The following CUL3 variants were observed in gnomAD, a reference collection of about 807,000 sequenced individuals.
The protein encoded by CUL3 is cullin 3.
Under a neutral mutation model 89.1 loss-of-function variants are expected in CUL3, and 19 were observed. The ratio of observed to expected loss-of-function variants is 0.21; its 90% CI spans 0.15 to 0.31. The LOEUF is 0.31. CUL3 is among the 10% of genes least tolerant of loss of function. The pLI is 1.00. For synonymous variants in CUL3, 351 were observed against 308.4 expected (o/e 1.14, Z -1.45); for missense variants, 469 against 942.3 (o/e 0.50, Z 6.58).
intron 2 of CUL3, among the ~76,000 whole-genome samples, chr2:224,553,640 C>G (rs1225486359): frequency 6.6e-6 from 1 of 152,108 alleles, no homozygotes; most frequent in African/African-American, 2.4e-5. Context: ...GCAATTAAAT[C>G]TTGAGAATGG....
At chr2:224,530,839 G>A (rs899230625) in intron 3 of CUL3, among the ~76,000 whole-genome samples, 5 of 152,012 alleles carry the variant, frequency 3.3e-5, no homozygotes, top group Non-Finnish European at 5.9e-5. Context: ...CCCAGGAGGC[G>A]GAGGCTGCAG....
chr2:224,514,823 T>C (rs1283711491), intron 3 of CUL3, 51 bp from the exon 4 acceptor site: 1 of 1,287,294 alleles, frequency 7.8e-7, no homozygotes, highest in African/African-American at 1.5e-5. Flanking sequence ...AGCATAATAA[T>C]TATTGTGTGC....
At chr2:224,506,763 A>G (rs1692617616) in intron 7 of CUL3, 95 bp downstream of exon 7, 1 of 1,028,228 alleles carries the variant, frequency 9.7e-7, no homozygotes, top group South Asian at 2.0e-5. Flanking sequence ...AATTAAGTTG[A>G]AAGTACACAA....
In CUL3 at chr2:224,472,507, A is replaced by G. The variant is rs193116009; in HGVS notation, c.*1738T>C. On this transcript the variant is annotated 3_prime_UTR_variant, in exon 16 of 16. Coordinates refer to ENST00000264414, the MANE Select transcript of CUL3 (RefSeq NM_003590.5). ...AATTTCCAATTATGTCAAAATCAGA[A>G]GGTGAAACCCTTAGCTTTCCATGTT... The G allele has an allele frequency of 1.6e-4, 31 of 189,244 alleles. No homozygotes were observed. In the Admixed American group the frequency reaches 1.7e-3, roughly 11 times the overall value. The allele number at this position is 189,244 out of a possible 1,614,324, so 11.7% of individuals were successfully genotyped here. A position where few individuals can be genotyped will look rare whatever the true frequency, so the allele number is the denominator to read the frequency against.
chr2:224,562,367 G>C (rs1694929473), intron 1 of CUL3, among the ~76,000 whole-genome samples: 1 of 152,090 alleles, frequency 6.6e-6, no homozygotes, highest in South Asian at 2.1e-4. Context: ...GCCAGGCACA[G>C]TGGCTCCCGC....
At chr2:224,517,949 A>C (rs989792982) in intron 3 of CUL3, among the ~76,000 whole-genome samples, 1 of 152,164 alleles carries the variant, frequency 6.6e-6, no homozygotes, top group African/African-American at 2.4e-5. Flanking sequence ...GATTTTATCA[A>C]TTTACACAAT....
intron 3 of CUL3, among the ~76,000 whole-genome samples, chr2:224,524,929 A>T (rs1158359992): frequency 6.6e-6 from 1 of 152,218 alleles, no homozygotes; most frequent in East Asian, 1.9e-4. Flanking sequence ...TAATGCATAT[A>T]ATCTCTAAGG....
Position 224,513,753 on chromosome 2 carries a change from G to A in CUL3, c.540-115C>T, listed in dbSNP as rs888202736. ...CAGGACATTTAACTCTTACTGAAGT[G>A]ACCAATCTCCAATAGGCCACTCATG... On this transcript the variant is annotated intron_variant, in intron 4 of 15. Transcript: ENST00000264414. 1.3e-5 allele frequency: 9 copies of A among 697,662 alleles called. No individual in the cohort carries two copies. In the Admixed American group the frequency reaches 1.6e-4, roughly 13 times the overall value. 43.2% of individuals were successfully genotyped at this position (697,662 alleles called of 1,614,324 possible). A position where few individuals can be genotyped will look rare whatever the true frequency, so the allele number is the denominator to read the frequency against.
rs1692588579 is a variant in CUL3 at position 224,506,055 on chromosome 2, A to G, written c.1107T>C (p.Thr369=). ...GAAAATACTCAAAGTCACCCGCAAT[A>G]GTTTGTTTAAAGAGACGGTCATTGT... ...SFNNDRLFKQ[T]IAGDFEYFLN... is the part of the protein sequence containing the mutation. The change falls in exon 8 of 16, where the codon ACT becomes ACC. Residue 369 remains threonine, a synonymous_variant. Transcript: ENST00000264414. The G allele has an allele frequency of 6.2e-7, 1 of 1,613,048 alleles. No homozygotes were observed. Among genetic ancestry groups the G allele is most frequent in the African/African-American group, 1.3e-5 (1 of 75,052 alleles).
chr2:224,509,278 ATCTT>A (rs1692723724), intron 6 of CUL3, among the ~76,000 whole-genome samples: 1 of 152,124 alleles, frequency 6.6e-6, no homozygotes, highest in African/African-American at 2.4e-5. Flanking sequence ...CAGTGGCATC[ATCTT>A]GGTTCACTGC....
chr2:224,539,312 C>G lies in CUL3; in HGVS notation c.265-3671G>C, dbSNP rs115021763. Reference sequence around the variant, plus strand: ...AAACATTGACAATACCAAATGCTAGCAAGGACGCAGAGCAAAAGAGTATCT... The same window carrying G: ...AAACATTGACAATACCAAATGCTAGGAAGGACGCAGAGCAAAAGAGTATCT... On this transcript the variant is annotated intron_variant, in intron 2 of 15. Transcript: ENST00000264414. Among the ~76,000 whole-genome samples the G allele has an allele frequency of 8.8e-3, 1,340 of 152,222 alleles. 22 individuals are homozygous for G. The highest frequency in any genetic ancestry group is 0.03 in the African/African-American group (1,250 of 41,524).
chr2:224,572,720 A>C (rs1695210285), intron 1 of CUL3, among the ~76,000 whole-genome samples: 1 of 151,468 alleles, frequency 6.6e-6, no homozygotes, highest in South Asian at 2.1e-4. Context: ...AGGTGGCCTT[A>C]TAAAGGAGGC....
At chr2:224,484,082 G>A (rs1691630753) in intron 13 of CUL3, among the ~76,000 whole-genome samples, 1 of 152,012 alleles carries the variant, frequency 6.6e-6, no homozygotes. Context: ...AAGGTGGGAG[G>A]ATGGCTTGAA....
rs764581410 is a variant in CUL3, at chr2:224,506,007, A to G, written c.1155T>C (p.Pro385=). The G allele has an allele frequency of 1.2e-6, 2 of 1,611,538 alleles. No homozygotes were observed. The highest frequency in any genetic ancestry group is 1.7e-6 in the Non-Finnish European group (2 of 1,178,438). The change falls in exon 8 of 16, where the codon CCT becomes CCC. Residue 385 remains proline (P), a synonymous_variant. Transcript: ENST00000264414. Reference sequence around the variant, plus strand: ...CATCAATAAATAATGAGAGGTATTCAGGAGACCTGGAGTTGAGGTTGAGAA... The same window carrying G: ...CATCAATAAATAATGAGAGGTATTCGGGAGACCTGGAGTTGAGGTTGAGAA... ...EYFLNLNSRS[P]EYLSLFIDDK...
chr2:224,569,635 T>C (rs1466267566), intron 1 of CUL3: 2 of 928,256 alleles, frequency 2.2e-6, no homozygotes, highest in African/African-American at 1.8e-5. Flanking sequence ...ATATAAAAAA[T>C]ATAACCTTCA....
chr2:224,502,771 A>C (rs1692440826), intron 10 of CUL3, among the ~76,000 whole-genome samples, 194 bp downstream of exon 10: 1 of 152,260 alleles, frequency 6.6e-6, no homozygotes, highest in Non-Finnish European at 1.5e-5. Flanking sequence ...ACTAAATTTT[A>C]AAAGAATAAA....
chr2:224,539,906 AAACTATGGACTTG>A (rs1314521610), intron 2 of CUL3, among the ~76,000 whole-genome samples: 2 of 152,198 alleles, frequency 1.3e-5, no homozygotes, highest in Non-Finnish European at 2.9e-5. Flanking sequence ...GCCCTCATGT[AAACTATGGACTTG>A]GAGTGATGAC....
Position 224,502,988 on chromosome 2 carries a change from T to G in CUL3, c.1462A>C (p.Arg488=), listed in dbSNP as rs1692449966. 1 of 1,613,728 alleles carries G rather than the reference T, an allele frequency of 6.2e-7. No individual in the cohort carries two copies. The highest frequency in any genetic ancestry group is 8.5e-7 in the Non-Finnish European group (1 of 1,179,636). The change falls in exon 10 of 16, where the codon AGG becomes CGG. Residue 488 remains arginine (R), a synonymous_variant. Coordinates refer to ENST00000264414, the MANE Select transcript of CUL3 (RefSeq NM_003590.5). ...SISNTTMDEF[R]QHLQATGVSL... ...ACACCAGTTGCCTGTAGATGTTGCCTGAATTCATCCATCGTTGTGTTTGAG... is the reference window on the plus strand; with the variant it reads ...ACACCAGTTGCCTGTAGATGTTGCCGGAATTCATCCATCGTTGTGTTTGAG...
At chr2:224,545,171 T>A (rs1241503321) in intron 2 of CUL3, among the ~76,000 whole-genome samples, 1 of 152,214 alleles carries the variant, frequency 6.6e-6, no homozygotes, top group Non-Finnish European at 1.5e-5. Context: ...TTTTAAGTTT[T>A]GTAGGTATTT....
Sources: allele counts gnomAD v4.1 joint callset (sites outside exome capture counted in the v4.1 genomes callset), GRCh38; gene constraint gnomAD v4.1.1; transcripts MANE v1.5; gene names NCBI Gene and HGNC (gene_info 2026-07-23, HGNC 2026-07-21).